The following VWA2 variants were observed in gnomAD, a reference collection of about 807,000 sequenced individuals.
VWA2 encodes von Willebrand factor A domain-containing protein 2.
VWA2 carries 73 observed loss-of-function variants against 70.4 expected under a neutral mutation model. The observed-to-expected ratio is 1.04, with a 90% CI of 0.86 to 1.26. The LOEUF (loss-of-function observed/expected upper bound fraction) is 1.26, where lower values mean the gene tolerates loss of function less well. Ranked by LOEUF, VWA2 falls within the 50% of genes most tolerant of loss-of-function variation. VWA2 has a pLI of 0.00. For synonymous variants in VWA2, 407 were observed against 423.3 expected, an observed-to-expected ratio of 0.96 and a Z score of 0.47; for missense variants, 1,011 against 998.5, an observed-to-expected ratio of 1.01 and a Z score of -0.17.
At chr10:114,250,244 T>A (rs1453820796) in intron 2 of VWA2, among the ~76,000 whole-genome samples, 2 of 152,250 alleles carry the variant, frequency 1.3e-5, no homozygotes, top group Non-Finnish European at 2.9e-5. Flanking sequence ...CATTCTTTAT[T>A]CACCACTATA....
At chr10:114,242,391 A>G (rs2036988109) in intron 1 of VWA2, among the ~76,000 whole-genome samples, 1 of 152,178 alleles carries the variant, frequency 6.6e-6, no homozygotes, top group Non-Finnish European at 1.5e-5. Context: ...TGCTCTTTCC[A>G]GAGCATCTGT....
chr10:114,242,904 A>C (rs924989106), intron 1 of VWA2, among the ~76,000 whole-genome samples: 1 of 152,216 alleles, frequency 6.6e-6, no homozygotes, highest in Admixed American at 6.5e-5. Flanking sequence ...TCTTTACAAC[A>C]CTGGGGGAGT....
In VWA2 at chr10:114,284,770, G is replaced by A. The variant is rs575261916; in HGVS notation, c.890-93G>A. ...GAAGGGAGGGGCTGGGCCACTGCTAGAGCAGGAAGCCAGCTGCACCCACAC... is the reference window on the plus strand; with the variant it reads ...GAAGGGAGGGGCTGGGCCACTGCTAAAGCAGGAAGCCAGCTGCACCCACAC... On this transcript the variant is annotated intron_variant, in intron 9 of 13. Coordinates refer to ENST00000392982, the MANE Select transcript of VWA2 (RefSeq NM_001272046.2). 1.7e-5 allele frequency: 21 copies of A among 1,253,792 alleles called. No individual in the cohort carries two copies. In the African/African-American group the frequency reaches 2.9e-4, roughly 18 times the overall value. The allele number at this position is 1,253,792 out of a possible 1,614,324, so 77.7% of individuals were successfully genotyped here. A position where few individuals can be genotyped will look rare whatever the true frequency, so the allele number is the denominator to read the frequency against.
intron 1 of VWA2, among the ~76,000 whole-genome samples, chr10:114,243,842 A>C (rs185744726): frequency 2.0e-5 from 3 of 152,158 alleles, no homozygotes; most frequent in Non-Finnish European, 4.4e-5. Flanking sequence ...CCTGCAGCAG[A>C]CTTCACATGC....
At chr10:114,279,115 C>T (rs763814730) in intron 8 of VWA2, among the ~76,000 whole-genome samples, 1 of 152,238 alleles carries the variant, frequency 6.6e-6, no homozygotes, top group Admixed American at 6.5e-5. Flanking sequence ...GGTGAGTGAG[C>T]CAAGTGCTGG....
intron 7 of VWA2, 27 bp from the exon 8 acceptor site, chr10:114,278,691 TG>T (rs1425947426): frequency 6.2e-7 from 1 of 1,611,118 alleles, no homozygotes; most frequent in Admixed American, 1.7e-5. Context: ...GTCTCCTCCG[TG>T]GGTGTGGGTG....
intron 2 of VWA2, among the ~76,000 whole-genome samples, chr10:114,250,192 A>G (rs1388426606): frequency 2.0e-5 from 3 of 152,206 alleles, no homozygotes; most frequent in East Asian, 3.8e-4. Context: ...TCTTTTCCAT[A>G]AGATGTAAGG....
chr10:114,251,986 T>C (rs2037206754), intron 2 of VWA2, among the ~76,000 whole-genome samples: 1 of 152,102 alleles, frequency 6.6e-6, no homozygotes, highest in African/African-American at 2.4e-5. Flanking sequence ...TTTGTGTTTT[T>C]AGTAGAGATG....
intron 7 of VWA2, 150 bp from the exon 8 acceptor site, chr10:114,278,569 T>C (rs1026270656): frequency 8.9e-6 from 10 of 1,118,120 alleles, no homozygotes; most frequent in South Asian, 1.5e-5. Context: ...CACCCAGAGA[T>C]ATGCCCTGAC....
Position 114,286,130 on chromosome 10 carries a change from G to A in VWA2, c.1189G>A (p.Val397Met). Reference protein sequence around the residue: ...YSRELLVAVPVGEYQDVPDLV... With the variant: ...YSRELLVAVPMGEYQDVPDLV... ...CAGGGAGCTGCTGGTGGCGGTGCCT[G>A]TGGGGGAGTACCAGGATGTGCCTGA... Residue 397 changes from valine to methionine, a missense_variant, in exon 11 of 14, where the codon GTG (valine) becomes ATG (methionine). Val to Met is a conservative substitution (Grantham distance 21). Transcript: ENST00000392982. 6.2e-7 allele frequency: 1 copy of A among 1,614,106 alleles called. No homozygotes were observed. Among genetic ancestry groups the A allele is most frequent in the Non-Finnish European group, 8.5e-7 (1 of 1,180,040 alleles).
Position 114,284,924 on chromosome 10 carries a change from C to T in VWA2, c.951C>T (p.Gly317=), listed in dbSNP as rs942516806. The T allele has an allele frequency of 1.2e-6, 2 of 1,605,438 alleles. No homozygotes were observed. Among genetic ancestry groups the T allele is most frequent in the East Asian group, 2.3e-5 (1 of 44,420 alleles). The change falls in exon 10 of 14, where the codon GGC becomes GGT. Residue 317 remains glycine (G), a synonymous_variant. Coordinates refer to ENST00000392982, the MANE Select transcript of VWA2 (RefSeq NM_001272046.2). Reference sequence around the variant, plus strand: ...CATGTGTTCCAGAAGGACTGGACGGCTACCAGTGCCTCTGCCCGCTGGCCT... The same window carrying T: ...CATGTGTTCCAGAAGGACTGGACGGTTACCAGTGCCTCTGCCCGCTGGCCT... ...GGTCVPEGLD[G]YQCLCPLAFG... is the part of the protein sequence containing the mutation.
rs775982897 is a variant in VWA2, at chr10:114,291,996, G to C, written c.*759G>C. Among the ~76,000 whole-genome samples, 11 of 152,172 alleles carry C rather than the reference G, an allele frequency of 7.2e-5. No homozygotes were observed. Among genetic ancestry groups the C allele is most frequent in the African/African-American group, 2.7e-4 (11 of 41,438 alleles). On this transcript the variant is annotated 3_prime_UTR_variant, in exon 14 of 14. Transcript: ENST00000392982. ...GGGTCTTCCTTTCAAAAGAGGCTGC[G>C]GCCAGAGACTGTGGCTCATGCCTGT...
intron 6 of VWA2, among the ~76,000 whole-genome samples, chr10:114,276,218 A>T (rs2133372084): frequency 6.6e-6 from 1 of 152,158 alleles, no homozygotes; most frequent in Admixed American, 6.5e-5. Flanking sequence ...GGACCACCTG[A>T]CCCACCCCTC....
intron 6 of VWA2, among the ~76,000 whole-genome samples, chr10:114,275,825 G>A (rs978341059): frequency 2.0e-5 from 3 of 152,120 alleles, no homozygotes; most frequent in African/African-American, 7.2e-5. Context: ...CTACCCAGGA[G>A]GCTAGGGCAA....
intron 9 of VWA2, among the ~76,000 whole-genome samples, chr10:114,283,861 C>A (rs938820248): frequency 1.3e-5 from 2 of 152,234 alleles, no homozygotes; most frequent in Admixed American, 1.3e-4. Flanking sequence ...TAGCCTCAAT[C>A]TTTTCTGCCT....
rs768481637 is a variant in VWA2, at chr10:114,278,720, C to G, written c.702C>G (p.Asp234Glu). The stretch of plus-strand genomic sequence containing the variant: ...TGTGGGTGTGTGTTGTGGACACAGA[C>G]TGCAGGGTCGAGGCTCACCCCTGTG... The part of the protein sequence containing the change: ...SSAICSSATP[D>E]CRVEAHPCEH... The change falls in exon 8 of 14, where the codon GAC becomes GAG. Residue 234 changes from aspartate (D) to glutamate (E), a missense_variant and splice_region_variant. Physicochemically the swap from Asp to Glu is conservative, Grantham distance 45. Transcript: ENST00000392982. 1 of 1,613,976 alleles carries G rather than the reference C, an allele frequency of 6.2e-7. No individual in the cohort carries two copies. The highest frequency in any genetic ancestry group is 8.5e-7 in the Non-Finnish European group (1 of 1,180,002).
chr10:114,254,787 A>C, intron 3 of VWA2, 128 bp from the exon 4 acceptor site: 1 of 1,266,764 alleles, frequency 7.9e-7, no homozygotes, highest in Non-Finnish European at 1.1e-6. Context: ...CTGCTTCTGC[A>C]GTTCTCCCCT....
chr10:114,285,986 G>T lies in VWA2; in HGVS notation c.1045G>T (p.Asp349Tyr). The T allele has an allele frequency of 6.2e-7, 1 of 1,612,690 alleles. No homozygotes were observed. Among genetic ancestry groups the T allele is most frequent in the Non-Finnish European group, 8.5e-7 (1 of 1,179,032 alleles). ...CAGGGTCGACCTCCTCTTCCTGCTGGACAGCTCTGCGGGCACCACTCTGGA... is the reference window on the plus strand; with the variant it reads ...CAGGGTCGACCTCCTCTTCCTGCTGTACAGCTCTGCGGGCACCACTCTGGA... Reference protein sequence around the residue: ...ECRVDLLFLLDSSAGTTLDGF... With the variant: ...ECRVDLLFLLYSSAGTTLDGF... Residue 349 changes from aspartate to tyrosine, a missense_variant, in exon 11 of 14, where the codon GAC (aspartate) becomes TAC (tyrosine). Transcript: ENST00000392982.
Position 114,255,045 on chromosome 10 carries a change from G to GA in VWA2, c.259dup (p.Arg87LysfsTer73), listed in dbSNP as rs2037293374. The stretch of plus-strand genomic sequence containing the variant: ...GTGACGGTCTGGACATCAGCCCCGA[G>GA]AGGGTGAGTGCAAGTCTTGTGGGTG... On this transcript the variant is annotated frameshift_variant, in exon 4 of 14. Coordinates refer to ENST00000392982, the MANE Select transcript of VWA2 (RefSeq NM_001272046.2). LOFTEE classifies it high-confidence loss of function. 1.2e-6 allele frequency: 2 copies of GA among 1,611,836 alleles called. No homozygotes were observed.
Sources: gnomAD v4.1 joint callset for allele counts (sites outside exome capture counted in the v4.1 genomes callset) on GRCh38, gnomAD v4.1.1 for gene constraint, MANE v1.5 for transcripts, NCBI Gene and HGNC (gene_info 2026-07-23, HGNC 2026-07-21) for gene names.